Variants in TBL1XR1 observed in about 807,000 individuals in gnomAD.
TBL1XR1 encodes F-box-like/WD repeat-containing protein TBL1XR1.
In TBL1XR1, 5 loss-of-function variants were observed where a neutral mutation model predicts 66.9. The ratio of observed to expected loss-of-function variants is 0.07; its 90% CI spans 0.04 to 0.16. The LOEUF (loss-of-function observed/expected upper bound fraction) is 0.16, where lower values mean the gene tolerates loss of function less well. Among genes scored for constraint, TBL1XR1 ranks in the 10% least tolerant of loss-of-function variants. The pLI, the probability that TBL1XR1 is intolerant of heterozygous loss-of-function variation, is 1.00. For synonymous variants in TBL1XR1, 210 were observed against 206.0 expected (o/e 1.02, Z -0.17); for missense variants, 238 against 623.2 (o/e 0.38, Z 6.58).
chr3:177,078,284 C>G (rs1435590730), intron 2 of TBL1XR1, among the ~76,000 whole-genome samples: 2 of 152,140 alleles, frequency 1.3e-5, no homozygotes, highest in Non-Finnish European at 2.9e-5. Context: ...ACATAGCTCT[C>G]ATGCTCCAGC....
intron 1 of TBL1XR1, among the ~76,000 whole-genome samples, chr3:177,186,364 C>T (rs1420961371): frequency 6.6e-6 from 1 of 152,090 alleles, no homozygotes; most frequent in Non-Finnish European, 1.5e-5. Flanking sequence ...TCCTAAAATC[C>T]TTATTTTTTA....
At chr3:177,026,606 A>G in intron 14 of TBL1XR1, 132 bp from the exon 15 acceptor site, 1 of 634,152 alleles carries the variant, frequency 1.6e-6, no homozygotes. Flanking sequence ...TATAAAAATA[A>G]GTTCTGAAAT....
At chr3:177,127,472 C>G (rs1433408675) in intron 1 of TBL1XR1, among the ~76,000 whole-genome samples, 1 of 152,164 alleles carries the variant, frequency 6.6e-6, no homozygotes, top group Non-Finnish European at 1.5e-5. Context: ...TCTGGTATAG[C>G]AGGTGCTCAA....
intron 2 of TBL1XR1, among the ~76,000 whole-genome samples, chr3:177,090,375 T>C (rs574158363): frequency 6.8e-4 from 103 of 151,392 alleles, no homozygotes; most frequent in Middle Eastern, 3.4e-3. Context: ...ATACTAAAAA[T>C]AAAATGAAAC....
intron 1 of TBL1XR1, chr3:177,120,681 T>C (rs1726881871): frequency 6.6e-6 from 1 of 152,158 alleles, no homozygotes; most frequent in Non-Finnish European, 1.5e-5. Context: ...CCAAATTTAC[T>C]TTTTTTATTT....
At chr3:177,154,251 A>G (rs1449483119) in intron 1 of TBL1XR1, among the ~76,000 whole-genome samples, 5 of 152,216 alleles carry the variant, frequency 3.3e-5, no homozygotes, top group Non-Finnish European at 5.9e-5. Context: ...GATTATTAAT[A>G]CATTAATATC....
chr3:177,174,408 CAAAAAAAAAAA>C (rs59132617), intron 1 of TBL1XR1, among the ~76,000 whole-genome samples: 3 of 58,304 alleles, frequency 5.1e-5, no homozygotes, highest in African/African-American at 2.0e-4. Flanking sequence ...GACTCCATCT[CAAAAAAAAAAA>C]AAAAAAAAAA....
chr3:177,075,139 G>A (rs888783495), intron 2 of TBL1XR1, among the ~76,000 whole-genome samples: 1 of 152,244 alleles, frequency 6.6e-6, no homozygotes, highest in African/African-American at 2.4e-5. Flanking sequence ...TGTGTTGGCA[G>A]TGCCACGATC....
At chr3:177,029,257 C>T (rs1031355739) in intron 14 of TBL1XR1, among the ~76,000 whole-genome samples, 9 of 152,058 alleles carry the variant, frequency 5.9e-5, no homozygotes, top group African/African-American at 1.9e-4. Context: ...CAGCAAGACC[C>T]TATCTCTAAA....
chr3:177,043,809 C>T (rs895177232), intron 10 of TBL1XR1, among the ~76,000 whole-genome samples: 3 of 152,046 alleles, frequency 2.0e-5, no homozygotes, highest in Admixed American at 1.3e-4. Context: ...TTTATGATTA[C>T]ATTTTCTTCT....
chr3:177,141,582 C>A (rs1262173609), intron 1 of TBL1XR1, among the ~76,000 whole-genome samples: 1 of 152,196 alleles, frequency 6.6e-6, no homozygotes, highest in Admixed American at 6.5e-5. Flanking sequence ...TTAACAACAG[C>A]TGTATTTGGT....
At chr3:177,066,107 G>A (rs1033328356) in intron 2 of TBL1XR1, among the ~76,000 whole-genome samples, 1 of 152,084 alleles carries the variant, frequency 6.6e-6, no homozygotes, top group African/African-American at 2.4e-5. Flanking sequence ...GTGGAACTAT[G>A]CTGGTTGTCC....
intron 1 of TBL1XR1, among the ~76,000 whole-genome samples, chr3:177,174,241 T>C (rs953465893): frequency 1.3e-5 from 2 of 151,788 alleles, no homozygotes; most frequent in African/African-American, 2.4e-5. Context: ...ACCCCGTCTG[T>C]AGTAAAAATA....
At chr3:177,165,322 G>C (rs903087585) in intron 1 of TBL1XR1, among the ~76,000 whole-genome samples, 6 of 152,130 alleles carry the variant, frequency 3.9e-5, no homozygotes, top group African/African-American at 9.7e-5. Flanking sequence ...TCTATATGAA[G>C]AAAGTCTGAT....
rs1716316276 is a variant in TBL1XR1, at chr3:177,046,283, A to G, written c.865-94T>C. ...CCTAACTGTATTACAGCAATATGAA[A>G]TGTCAGAGTGGATTTAATTTTAAAC... On this transcript the variant is annotated intron_variant, in intron 9 of 15. Coordinates refer to ENST00000457928, the MANE Select transcript of TBL1XR1 (RefSeq NM_024665.7). The G allele has an allele frequency of 9.1e-6, 8 of 875,712 alleles. No homozygotes were observed. The South Asian group carries it at 1.3e-4, about 14-fold the overall frequency. 54.2% of individuals were successfully genotyped at this position (875,712 alleles called of 1,614,324 possible).
intron 1 of TBL1XR1, among the ~76,000 whole-genome samples, chr3:177,181,546 G>C (rs540774417): frequency 1.6e-4 from 25 of 151,586 alleles, no homozygotes; most frequent in Non-Finnish European, 2.9e-4. Flanking sequence ...GAAAATACAA[G>C]ATGTCCCCAT....
chr3:177,187,145 C>A (rs1398365929), intron 1 of TBL1XR1, among the ~76,000 whole-genome samples: 4 of 140,746 alleles, frequency 2.8e-5, no homozygotes, highest in East Asian at 2.1e-4. Flanking sequence ...CCAGCCTGGG[C>A]AACAGAGCAA....
intron 1 of TBL1XR1, among the ~76,000 whole-genome samples, chr3:177,186,949 A>C (rs1441884929): frequency 1.3e-5 from 2 of 151,942 alleles, no homozygotes; most frequent in Non-Finnish European, 2.9e-5. Flanking sequence ...GGCGGATCAC[A>C]AGGTCAGGAG....
At chr3:177,184,528 G>T (rs1403867786) in intron 1 of TBL1XR1, among the ~76,000 whole-genome samples, 1 of 152,110 alleles carries the variant, frequency 6.6e-6, no homozygotes, top group Non-Finnish European at 1.5e-5. Flanking sequence ...TTGGCCAGGT[G>T]CGGTGGCTCA....
Sources: gnomAD v4.1 joint callset for allele counts (sites outside exome capture counted in the v4.1 genomes callset) on GRCh38, gnomAD v4.1.1 for gene constraint, MANE v1.5 for transcripts, NCBI Gene and HGNC (gene_info 2026-07-23, HGNC 2026-07-21) for gene names.